The following AK9 variants were observed in gnomAD, a reference collection of about 807,000 sequenced individuals.
AK9 encodes adenylate kinase domain containing 1.
Under a neutral mutation model 239.6 loss-of-function variants are expected in AK9, and 191 were observed. That is an observed-to-expected ratio of 0.80 (90% CI 0.71 to 0.90). The LOEUF (loss-of-function observed/expected upper bound fraction) is 0.90. Among genes scored for constraint, AK9 ranks in the 40% least tolerant of loss-of-function variants. The probability of loss-of-function intolerance (pLI) is 0.00; values close to 1 mark genes in which losing one functional copy is unlikely to be tolerated. For synonymous variants in AK9, 689 were observed against 721.0 expected (o/e 0.96, Z 0.71); for missense variants, 1,995 against 2,214.7 (o/e 0.90, Z 1.99).
At chr6:109,611,434 GC>G (rs1484226589) in intron 16 of AK9, among the ~76,000 whole-genome samples, 1 of 152,150 alleles carries the variant, frequency 6.6e-6, no homozygotes, top group Non-Finnish European at 1.5e-5. Flanking sequence ...ATATCCATTC[GC>G]CTCTTCCTTC....
At chr6:109,652,788 C>A (rs896770071) in intron 8 of AK9, among the ~76,000 whole-genome samples, 2 of 152,134 alleles carry the variant, frequency 1.3e-5, no homozygotes, top group Non-Finnish European at 2.9e-5. Context: ...CCATGCTGCC[C>A]GCACAACACA....
chr6:109,616,890 A>G (rs1385048365), intron 13 of AK9, among the ~76,000 whole-genome samples: 1 of 152,196 alleles, frequency 6.6e-6, no homozygotes, highest in Admixed American at 6.5e-5. Context: ...TTATATGATT[A>G]GCTCTCTGGA....
At chr6:109,642,028 C>A (rs1797517051) in intron 9 of AK9, among the ~76,000 whole-genome samples, 1 of 152,114 alleles carries the variant, frequency 6.6e-6, no homozygotes, top group Non-Finnish European at 1.5e-5. Flanking sequence ...CCTCTTCAGG[C>A]AAAGGGATGA....
rs1296465814 is a variant in AK9 at position 109,572,585 on chromosome 6, C to T, written c.2344+857G>A. On this transcript the variant is annotated intron_variant, in intron 21 of 40. Transcript: ENST00000424296. ...CTGGGGCTCTTAGATATGCATAATA[C>T]TTAATATACTTGTCAGAATGAAACA... Among the ~76,000 whole-genome samples, 5 of 152,208 alleles carry T rather than the reference C, an allele frequency of 3.3e-5. No individual in the cohort carries two copies. In the East Asian group the frequency reaches 5.8e-4, roughly 18 times the overall value.
intron 12 of AK9, among the ~76,000 whole-genome samples, chr6:109,625,975 T>C (rs574005775): frequency 6.6e-6 from 1 of 152,216 alleles, no homozygotes; most frequent in South Asian, 2.1e-4. Context: ...CTTACTCACA[T>C]TAGACCATCT....
At chr6:109,642,488 C>A (rs924901791) in intron 9 of AK9, among the ~76,000 whole-genome samples, 1 of 152,128 alleles carries the variant, frequency 6.6e-6, no homozygotes, top group African/African-American at 2.4e-5. Flanking sequence ...CTCCATGTAG[C>A]CTGCTCTGCC....
At chr6:109,533,136 T>C in intron 28 of AK9, 115 bp downstream of exon 28, 1 of 744,874 alleles carries the variant, frequency 1.3e-6, no homozygotes. Context: ...AAATATTTCA[T>C]GCTTACTGTG....
intron 36 of AK9, 86 bp from the exon 37 acceptor site, chr6:109,498,051 TC>T: frequency 7.6e-7 from 1 of 1,324,318 alleles, no homozygotes; most frequent in Non-Finnish European, 1.1e-6. Context: ...TCCTGCACCC[TC>T]CCCATTTTCA....
intron 10 of AK9, among the ~76,000 whole-genome samples, chr6:109,640,711 C>A (rs143258670): frequency 6.6e-6 from 1 of 151,748 alleles, no homozygotes; most frequent in Non-Finnish European, 1.5e-5. Flanking sequence ...TCCTGGTATG[C>A]GTTTTTTAAA....
At chr6:109,653,377 A>G (rs1366401503) in intron 8 of AK9, among the ~76,000 whole-genome samples, 2 of 152,190 alleles carry the variant, frequency 1.3e-5, no homozygotes, top group Non-Finnish European at 2.9e-5. Context: ...TGCCAAACTG[A>G]GTTAAAAAAC....
intron 29 of AK9, among the ~76,000 whole-genome samples, chr6:109,518,838 C>A (rs187287982): frequency 6.6e-6 from 1 of 151,470 alleles, no homozygotes; most frequent in Non-Finnish European, 1.5e-5. Context: ...ATTTTAGATT[C>A]GGGGTACGTG....
intron 3 of AK9, among the ~76,000 whole-genome samples, chr6:109,673,015 C>T (rs542053141): frequency 1.3e-5 from 2 of 152,018 alleles, no homozygotes; most frequent in Non-Finnish European, 2.9e-5. Context: ...GATTTATTTC[C>T]TTTAAAAGAG....
chr6:109,583,454 C>G (rs1261086483), intron 19 of AK9, among the ~76,000 whole-genome samples: 2 of 152,140 alleles, frequency 1.3e-5, no homozygotes, highest in Admixed American at 1.3e-4. Flanking sequence ...TTAAGTTTCT[C>G]TCTTTTCTAA....
At chr6:109,664,728 CTT>C (rs1800936150) in intron 5 of AK9, among the ~76,000 whole-genome samples, 1 of 149,424 alleles carries the variant, frequency 6.7e-6, no homozygotes, top group South Asian at 2.3e-4. Context: ...AGGCCACAAT[CTT>C]TTATTTTTAA....
intron 29 of AK9, among the ~76,000 whole-genome samples, chr6:109,520,615 G>T (rs1480820582): frequency 6.6e-6 from 1 of 152,008 alleles, no homozygotes; most frequent in African/African-American, 2.4e-5. Context: ...GGTTCCATAT[G>T]AATTTTAGAA....
At chr6:109,681,203 T>C (rs1772573208) in intron 1 of AK9, among the ~76,000 whole-genome samples, 1 of 152,070 alleles carries the variant, frequency 6.6e-6, no homozygotes. Flanking sequence ...AGGAGACCCA[T>C]CTCACATGCA....
rs1783495825 is a variant in AK9, at chr6:109,545,916, A to G, written c.3176T>C (p.Leu1059Pro). ...EQAAKQELEE[L>P]AIQANVKVEE... is the part of the protein sequence containing the mutation. Reference sequence around the variant, plus strand: ...AACTTTGACATTGGCCTGAATTGCAAGCTCTTCAAGTTCTTGTTTGGCAGC... The same window carrying G: ...AACTTTGACATTGGCCTGAATTGCAGGCTCTTCAAGTTCTTGTTTGGCAGC... The change falls in exon 26 of 41, where the codon CTT (leucine) becomes CCT (proline). Residue 1059 changes from leucine to proline, a missense_variant. Physicochemically the swap from Leu to Pro is moderately conservative, Grantham distance 98 (BLOSUM62 -3). Around this residue, in one of 5 missense-constraint regions of AK9, gnomAD observed 1,290 missense variants for 1,392.7 expected, o/e 0.93. Transcript: ENST00000424296. The G allele has an allele frequency of 1.2e-5, 19 of 1,612,524 alleles. No individual in the cohort carries two copies. The highest frequency in any genetic ancestry group is 1.5e-5 in the Non-Finnish European group (18 of 1,179,758).
chr6:109,508,957 T>C (rs938790506), intron 33 of AK9, among the ~76,000 whole-genome samples: 2 of 152,024 alleles, frequency 1.3e-5, no homozygotes, highest in African/African-American at 4.8e-5. Context: ...CTGGAGAGAG[T>C]GAAGGGGCCT....
chr6:109,573,199 C>T (rs904770176), intron 21 of AK9, among the ~76,000 whole-genome samples: 1 of 152,048 alleles, frequency 6.6e-6, no homozygotes, highest in South Asian at 2.1e-4. Flanking sequence ...GCTTTTTGAA[C>T]AACATGCCCC....
Sources: allele counts gnomAD v4.1 joint callset (sites outside exome capture counted in the v4.1 genomes callset), GRCh38; gene constraint gnomAD v4.1.1; regional missense constraint gnomAD v4.1.1; transcripts MANE v1.5; gene names NCBI Gene and HGNC (gene_info 2026-07-23, HGNC 2026-07-21).